CAST: variants seen among roughly 807,000 people sequenced by gnomAD.
CAST encodes the protein calpastatin.
CAST carries 76 observed loss-of-function variants against 119.6 expected under a neutral mutation model. The ratio of observed to expected loss-of-function variants is 0.64; its 90% CI spans 0.53 to 0.77. The LOEUF is 0.77. CAST is among the 30% of genes least tolerant of loss of function. The pLI is 0.00. For missense variants in CAST, 953 were observed against 946.5 expected, an observed-to-expected ratio of 1.01 and a Z score of -0.09; for synonymous variants, 319 against 331.6, an observed-to-expected ratio of 0.96 and a Z score of 0.41.
chr5:96,568,302 C>A (rs1029384237), intron 1 of CAST, among the ~76,000 whole-genome samples: 11 of 152,066 alleles, frequency 7.2e-5, no homozygotes, highest in Non-Finnish European at 1.5e-4. Context: ...CGGTGGCTCA[C>A]GCCTGTAATC....
At chr5:95,970,418 A>C in the CAST span, 1 of 152,236 alleles carries the variant, frequency 6.6e-6, no homozygotes, top group East Asian at 1.9e-4. Context: ...TAAATAATGA[A>C]CAATGTGAAG....
At chr5:96,491,663 A>T in the CAST span, among the ~76,000 whole-genome samples, 5 of 152,250 alleles carry the variant, frequency 3.3e-5, no homozygotes, top group East Asian at 9.6e-4. Flanking sequence ...TTCCATCCCT[A>T]GATATATGCC....
At chr5:96,730,737 A>G in intron 8 of CAST, 43 bp from the exon 9 acceptor site, 1 of 1,380,792 alleles carries the variant, frequency 7.2e-7, no homozygotes, top group Non-Finnish European at 1.0e-6. Context: ...ATAGCCATGC[A>G]GAGATACTTA....
chr5:96,122,457 C>A, the CAST span, among the ~76,000 whole-genome samples: 1,713 of 152,126 alleles, frequency 0.011, 12 homozygotes, highest in Non-Finnish European at 0.018. Context: ...GAGTATAGTC[C>A]AAATTGATTT....
At chr5:96,475,442 A>G in the CAST span, among the ~76,000 whole-genome samples, 2 of 152,222 alleles carry the variant, frequency 1.3e-5, no homozygotes, top group Non-Finnish European at 2.9e-5. Flanking sequence ...TTGTCCTTTC[A>G]GTCTTGCACC....
At chr5:96,017,496 A>G in the CAST span, among the ~76,000 whole-genome samples, 5 of 152,138 alleles carry the variant, frequency 3.3e-5, no homozygotes, top group Admixed American at 3.3e-4. Context: ...TAACAGGCCC[A>G]TTTTCATTTG....
intron 1 of CAST, among the ~76,000 whole-genome samples, chr5:96,589,058 T>A (rs1315268322): frequency 6.6e-6 from 1 of 152,196 alleles, no homozygotes; most frequent in African/African-American, 2.4e-5. Context: ...TTTCAGCTTT[T>A]CAAATTTACT....
At chr5:96,766,678 A>T (rs1770090230) in intron 27 of CAST, among the ~76,000 whole-genome samples, 1 of 152,216 alleles carries the variant, frequency 6.6e-6, no homozygotes, top group Non-Finnish European at 1.5e-5. Context: ...TTTGTCTCCC[A>T]CATGATAGAG....
chr5:96,110,529 A>T, the CAST span, among the ~76,000 whole-genome samples: 1 of 151,504 alleles, frequency 6.6e-6, no homozygotes, highest in South Asian at 2.1e-4. Context: ...TGCTTTGAAG[A>T]GATTATCACT....
At chr5:96,402,680 G>C in the CAST span, among the ~76,000 whole-genome samples, 1 of 152,272 alleles carries the variant, frequency 6.6e-6, no homozygotes, top group East Asian at 1.9e-4. Context: ...TCAGACTCTT[G>C]CTTATGTCAT....
At chr5:96,675,698 C>G (rs73774371) in intron 2 of CAST, 97 bp downstream of exon 2, 1 of 866,474 alleles carries the variant, frequency 1.2e-6, no homozygotes, top group African/African-American at 1.7e-5. Flanking sequence ...GAGCTTCTAC[C>G]TTGCTTAATA....
the CAST span, among the ~76,000 whole-genome samples, chr5:96,334,578 A>ACCC: frequency 6.6e-6 from 1 of 151,942 alleles, no homozygotes; most frequent in African/African-American, 2.4e-5. Flanking sequence ...CAGAAAAGTC[A>ACCC]CCCCCACGGT....
the CAST span, among the ~76,000 whole-genome samples, chr5:96,465,754 A>G: frequency 6.6e-6 from 1 of 152,118 alleles, no homozygotes; most frequent in Non-Finnish European, 1.5e-5. Flanking sequence ...GGTTACCATG[A>G]GGGTTTTTAA....
At chr5:96,534,718 A>G (rs867927599) in intron 1 of CAST, among the ~76,000 whole-genome samples, 8 of 20,446 alleles carry the variant, frequency 3.9e-4, no homozygotes, top group East Asian at 4.8e-3. Flanking sequence ...AAGGAAGGAG[A>G]GAGAGAGAGA....
chr5:96,734,109 A>G (rs1281479008), intron 9 of CAST, among the ~76,000 whole-genome samples: 1 of 152,216 alleles, frequency 6.6e-6, no homozygotes, highest in Non-Finnish European at 1.5e-5. Flanking sequence ...TCAGTTAGGC[A>G]TGGAAGGATA....
the CAST span, among the ~76,000 whole-genome samples, chr5:96,291,472 C>CT: frequency 1.4e-4 from 21 of 151,404 alleles, no homozygotes; most frequent in African/African-American, 3.6e-4. Context: ...TGTCAAATTC[C>CT]TTTTTTTTTC....
the CAST span, among the ~76,000 whole-genome samples, chr5:96,372,748 A>C: frequency 1.3e-5 from 2 of 152,064 alleles, no homozygotes; most frequent in South Asian, 4.2e-4. Flanking sequence ...CACCTTGGGA[A>C]CCACTCTCTT....
chr5:96,056,317 T>G, the CAST span, among the ~76,000 whole-genome samples: 1 of 152,160 alleles, frequency 6.6e-6, no homozygotes, highest in African/African-American at 2.4e-5. Flanking sequence ...AAAGATTGCT[T>G]CTTTGGGGTA....
At chr5:96,129,389 G>C in the CAST span, among the ~76,000 whole-genome samples, 2 of 152,066 alleles carry the variant, frequency 1.3e-5, no homozygotes, top group African/African-American at 4.8e-5. Flanking sequence ...TGGTGGGTGA[G>C]AGAGGCAAGC....
Sources: gnomAD v4.1 joint callset for allele counts (sites outside exome capture counted in the v4.1 genomes callset) on GRCh38, gnomAD v4.1.1 for gene constraint, MANE v1.5 for transcripts, NCBI Gene and HGNC (gene_info 2026-07-23, HGNC 2026-07-21) for gene names.